ZRANB3: variants seen among roughly 807,000 people sequenced by gnomAD.
ZRANB3 encodes DNA annealing helicase and endonuclease ZRANB3.
Under a neutral mutation model 133.8 loss-of-function variants are expected in ZRANB3, and 125 were observed. The observed-to-expected ratio is 0.93, with a 90% CI of 0.81 to 1.08. The LOEUF is 1.08. Among genes scored for constraint, ZRANB3 ranks in the 50% least tolerant of loss-of-function variants. The pLI is 0.00. For synonymous variants in ZRANB3, 387 were observed against 432.7 expected, an observed-to-expected ratio of 0.89 and a Z score of 1.31; for missense variants, 1,229 against 1,275.5, an observed-to-expected ratio of 0.96 and a Z score of 0.56.
chr2:135,418,173 C>T (rs1217188955), intron 2 of ZRANB3, among the ~76,000 whole-genome samples: 1 of 151,894 alleles, frequency 6.6e-6, no homozygotes, highest in Non-Finnish European at 1.5e-5. Context: ...TACAGTATAA[C>T]AATTATTTAC....
At chr2:135,516,653 C>T (rs991614220) in intron 1 of ZRANB3, among the ~76,000 whole-genome samples, 12 of 152,190 alleles carry the variant, frequency 7.9e-5, no homozygotes, top group Admixed American at 2.0e-4. Flanking sequence ...GTCTGATGAG[C>T]TTCCCTTCGT....
intron 2 of ZRANB3, among the ~76,000 whole-genome samples, chr2:135,466,331 T>G (rs974639210): frequency 1.6e-5 from 2 of 127,752 alleles, no homozygotes; most frequent in African/African-American, 3.1e-5. Flanking sequence ...TGCAGTGAGC[T>G]GAGATCATGC....
In ZRANB3 at chr2:135,313,514, A is replaced by G; in HGVS notation, c.941T>C (p.Met314Thr). ...CTTGGCAATAGCAGTTTGTTTAAAC[A>G]TGCGAGTTATCAACCCCATGACTGT... ...METVMGLITR[M>T]FKQTAIAKAG... The change falls in exon 8 of 21, where the codon ATG (methionine) becomes ACG (threonine). Residue 314 changes from methionine to threonine, a missense_variant. By Grantham distance (81) the Met-to-Thr change is moderately conservative (BLOSUM62 -1). Transcript: ENST00000264159. 1 of 1,613,342 alleles carries G rather than the reference A, an allele frequency of 6.2e-7. No individual in the cohort carries two copies.
intron 2 of ZRANB3, among the ~76,000 whole-genome samples, chr2:135,425,214 G>A (rs1689015637): frequency 6.6e-6 from 1 of 152,088 alleles, no homozygotes; most frequent in African/African-American, 2.4e-5. Context: ...CAAGAGTGGT[G>A]AATAAAATCT....
At chr2:135,246,892 T>G (rs1331994042) in intron 12 of ZRANB3, among the ~76,000 whole-genome samples, 1 of 152,216 alleles carries the variant, frequency 6.6e-6, no homozygotes, top group Non-Finnish European at 1.5e-5. Context: ...AGCAAACTAC[T>G]GGTCTTTACA....
At chr2:135,363,375 T>C (rs1279535780) in intron 3 of ZRANB3, among the ~76,000 whole-genome samples, 2 of 152,204 alleles carry the variant, frequency 1.3e-5, no homozygotes, top group African/African-American at 2.4e-5. Flanking sequence ...AAAAATGAGA[T>C]ACTTAACTAT....
Position 135,224,472 on chromosome 2 carries a change from A to G in ZRANB3, c.2204T>C (p.Met735Thr), listed in dbSNP as rs207462407. ...GTCAGTATTCCTACTTGCACAGAAC[A>G]TTAAGGTGTCATACACTGGCAAAGT... The part of the protein sequence containing the change: ...SDTLPVYDTL[M>T]FCASRNTDRI... The change falls in exon 15 of 21, where the codon ATG becomes ACG. Residue 735 changes from methionine (M) to threonine (T), a missense_variant. Physicochemically the swap from Met to Thr is moderately conservative, Grantham distance 81. Transcript: ENST00000264159. 3.1e-6 allele frequency: 5 copies of G among 1,613,546 alleles called. No homozygotes were observed. Among genetic ancestry groups the G allele is most frequent in the East Asian group, 4.5e-5 (2 of 44,824 alleles).
At chr2:135,447,024 T>C (rs1270564309) in intron 2 of ZRANB3, among the ~76,000 whole-genome samples, 1 of 152,118 alleles carries the variant, frequency 6.6e-6, no homozygotes, top group Non-Finnish European at 1.5e-5. Flanking sequence ...TTAGGTTCCT[T>C]GTTTCAACCC....
chr2:135,350,007 G>C lies in ZRANB3; in HGVS notation c.568C>G (p.Pro190Ala), dbSNP rs1685126513. ...ACCTCTTCAGGCCTTCCTAAAGCTGGTGTTCCTGTAAGAAGAATGGCTCGT... is the reference window on the plus strand; with the variant it reads ...ACCTCTTCAGGCCTTCCTAAAGCTGCTGTTCCTGTAAGAAGAATGGCTCGT... ...ARRAILLTGTPALGRPEELFM... is the reference protein window; with the variant it reads ...ARRAILLTGTAALGRPEELFM... The change falls in exon 5 of 21, where the codon CCA (proline) becomes GCA (alanine). Residue 190 changes from proline to alanine, a missense_variant. Physicochemically the swap from Pro to Ala is conservative, Grantham distance 27. Transcript: ENST00000264159. 1.2e-6 allele frequency: 2 copies of C among 1,613,690 alleles called. No homozygotes were observed. The highest frequency in any genetic ancestry group is 1.7e-6 in the Non-Finnish European group (2 of 1,179,822).
intron 3 of ZRANB3, among the ~76,000 whole-genome samples, chr2:135,382,236 G>A (rs916444977): frequency 6.6e-6 from 1 of 152,034 alleles, no homozygotes; most frequent in Non-Finnish European, 1.5e-5. Flanking sequence ...TGGAAGAAAG[G>A]GTATCAGTGA....
chr2:135,403,968 A>G (rs1416051624), intron 2 of ZRANB3, among the ~76,000 whole-genome samples: 4 of 152,216 alleles, frequency 2.6e-5, no homozygotes, highest in African/African-American at 9.6e-5. Context: ...CCATCATCAA[A>G]GACCAAAGGT....
At position 135,396,048 on chromosome 2, in the gene ZRANB3, G is replaced by A. The variant is rs192743676; in HGVS notation, c.162-5228C>T. Among the ~76,000 whole-genome samples the A allele has an allele frequency of 4.6e-5, 7 of 152,202 alleles. No individual in the cohort carries two copies. The East Asian group carries it at 1.2e-3, about 25-fold the overall frequency. On this transcript the variant is annotated intron_variant, in intron 2 of 20. Transcript: ENST00000264159. ...TATTTTTCAAAGGAAGACATACAAA[G>A]GGCAAACAGTTATATGAAAATGTGC...
At chr2:135,344,179 A>AT (rs1379354166) in intron 6 of ZRANB3, among the ~76,000 whole-genome samples, 3 of 151,896 alleles carry the variant, frequency 2.0e-5, no homozygotes, top group East Asian at 1.9e-4. Flanking sequence ...ATAATTTGCC[A>AT]TTTTTTTTGA....
intron 8 of ZRANB3, among the ~76,000 whole-genome samples, chr2:135,278,514 G>A (rs1197841824): frequency 6.6e-5 from 10 of 152,158 alleles, no homozygotes; most frequent in African/African-American, 2.4e-4. Flanking sequence ...AAAATCTCCA[G>A]GATGAGAGCT....
At chr2:135,484,115 A>C (rs942481130) in intron 2 of ZRANB3, among the ~76,000 whole-genome samples, 1 of 152,178 alleles carries the variant, frequency 6.6e-6, no homozygotes, top group African/African-American at 2.4e-5. Flanking sequence ...AGCTCTGTAG[A>C]TGTCTATTAG....
chr2:135,457,115 T>C (rs1047459309), intron 2 of ZRANB3, among the ~76,000 whole-genome samples: 11 of 152,218 alleles, frequency 7.2e-5, no homozygotes, highest in African/African-American at 2.7e-4. Context: ...CTCAGCATGA[T>C]GTTTTCAAGG....
chr2:135,215,895 C>G (rs538730580), intron 17 of ZRANB3, among the ~76,000 whole-genome samples: 1 of 152,236 alleles, frequency 6.6e-6, no homozygotes, highest in Non-Finnish European at 1.5e-5. Context: ...CTAGATACCC[C>G]CTAGTCACAT....
chr2:135,468,519 C>T (rs960160739), intron 2 of ZRANB3, among the ~76,000 whole-genome samples: 1 of 152,158 alleles, frequency 6.6e-6, no homozygotes, highest in African/African-American at 2.4e-5. Context: ...TGCAGCTAGG[C>T]AATGCATTTC....
rs1680310032 is a variant in ZRANB3 at position 135,267,600 on chromosome 2, T to C, written c.1386+1362A>G. ...CCATAGCAATAATTATCCAAAATTA[T>C]AATCCATTACCCAGTCAATGGTTCC... On this transcript the variant is annotated intron_variant, in intron 11 of 20. Coordinates refer to ENST00000264159, the MANE Select transcript of ZRANB3 (RefSeq NM_032143.4). 2.0e-5 allele frequency among the ~76,000 whole-genome samples: 3 copies of C among 152,158 alleles called. No individual in the cohort carries two copies. The South Asian group carries it at 6.2e-4, about 31-fold the overall frequency.
Sources: allele counts gnomAD v4.1 joint callset (sites outside exome capture counted in the v4.1 genomes callset), GRCh38; gene constraint gnomAD v4.1.1; transcripts MANE v1.5; gene names NCBI Gene and HGNC (gene_info 2026-07-23, HGNC 2026-07-21).